Variants in GSG1L observed in about 807,000 individuals in gnomAD.
GSG1L encodes germ cell-specific gene 1-like protein.
Under a neutral mutation model 42.1 loss-of-function variants are expected in GSG1L, and 24 were observed. The observed-to-expected ratio is 0.57, with a 90% CI of 0.41 to 0.80. The LOEUF (loss-of-function observed/expected upper bound fraction) is 0.80, where lower values mean the gene tolerates loss of function less well. GSG1L is among the 30% of genes least tolerant of loss of function. The probability of loss-of-function intolerance (pLI) is 0.00; values close to 1 mark genes in which losing one functional copy is unlikely to be tolerated. For synonymous variants in GSG1L, 215 were observed against 203.5 expected (o/e 1.06, Z -0.48); for missense variants, 445 against 472.2 (o/e 0.94, Z 0.53).
chr16:27,955,813 C>G (rs2084994663), intron 2 of GSG1L, among the ~76,000 whole-genome samples: 1 of 150,192 alleles, frequency 6.7e-6, no homozygotes, highest in African/African-American at 2.5e-5. Context: ...AAAAGGGCTT[C>G]CAGAATAACA....
In GSG1L at chr16:28,031,583, C is replaced by T. The variant is rs115224414; in HGVS notation, c.349+31493G>A. On this transcript the variant is annotated intron_variant, in intron 1 of 6. Transcript: ENST00000447459. ...AAGCAGGGTGTCCAAGAGCTTGAGGCTCCCTGAGGTTATGAATGGATGCAC... is the reference window on the plus strand; with the variant it reads ...AAGCAGGGTGTCCAAGAGCTTGAGGTTCCCTGAGGTTATGAATGGATGCAC... Among the ~76,000 whole-genome samples the T allele has an allele frequency of 5.0e-3, 767 of 152,260 alleles. 2 individuals are homozygous for T. The highest frequency in any genetic ancestry group is 0.017 in the African/African-American group (688 of 41,538).
At chr16:27,945,918 T>C (rs1016418088) in intron 2 of GSG1L, among the ~76,000 whole-genome samples, 2 of 152,222 alleles carry the variant, frequency 1.3e-5, no homozygotes, top group East Asian at 1.9e-4. Flanking sequence ...GGATGCCTGA[T>C]GAGCAGAGGG....
At chr16:27,989,738 T>TAAA (rs57397630) in intron 1 of GSG1L, among the ~76,000 whole-genome samples, 3 of 140,344 alleles carry the variant, frequency 2.1e-5, no homozygotes, top group Middle Eastern at 3.7e-3. Context: ...AGACTCAGTC[T>TAAA]AAAAAAAAAA....
intron 2 of GSG1L, among the ~76,000 whole-genome samples, chr16:27,888,460 CTTTCTCTCTCTCT>C (rs2084064680): frequency 6.3e-5 from 1 of 15,986 alleles, no homozygotes; most frequent in Non-Finnish European, 2.2e-4. Flanking sequence ...TTCTTTCTTT[CTTTCTCTCTCTCT>C]CTCTCTTTCC....
chr16:28,034,100 A>AT (rs1307640486), intron 1 of GSG1L, among the ~76,000 whole-genome samples: 1 of 151,394 alleles, frequency 6.6e-6, no homozygotes, highest in Admixed American at 6.6e-5. Flanking sequence ...AACCCATCCT[A>AT]TCCCAACCCA....
intron 3 of GSG1L, among the ~76,000 whole-genome samples, chr16:27,857,801 C>T (rs911921403): frequency 7.9e-5 from 12 of 151,986 alleles, no homozygotes; most frequent in African/African-American, 2.4e-4. Context: ...CTCTCCAAGA[C>T]GTCCAGTTAA....
At chr16:27,880,060 G>T (rs2083934595) in intron 3 of GSG1L, among the ~76,000 whole-genome samples, 1 of 152,116 alleles carries the variant, frequency 6.6e-6, no homozygotes, top group Non-Finnish European at 1.5e-5. Context: ...AGACCTGGCT[G>T]CTGGCCTCTG....
At chr16:28,016,304 T>C (rs759744553) in intron 1 of GSG1L, among the ~76,000 whole-genome samples, 4 of 152,200 alleles carry the variant, frequency 2.6e-5, no homozygotes, top group Non-Finnish European at 5.9e-5. Flanking sequence ...ATCATAGTTT[T>C]AATGTGGATA....
At chr16:28,033,500 C>G (rs962950440) in intron 1 of GSG1L, among the ~76,000 whole-genome samples, 1 of 145,006 alleles carries the variant, frequency 6.9e-6, no homozygotes, top group Non-Finnish European at 1.5e-5. Context: ...ATAATTAAAT[C>G]AAATAAAAAA....
At chr16:28,002,095 A>G (rs908150167) in intron 1 of GSG1L, among the ~76,000 whole-genome samples, 1 of 152,164 alleles carries the variant, frequency 6.6e-6, no homozygotes, top group Non-Finnish European at 1.5e-5. Context: ...AGCACTGAGG[A>G]TTCAGTGGTG....
chr16:27,865,134 A>C (rs2083698759), intron 3 of GSG1L, among the ~76,000 whole-genome samples: 1 of 151,882 alleles, frequency 6.6e-6, no homozygotes, highest in South Asian at 2.1e-4. Context: ...TCTCACCCCC[A>C]CACTCTGGGC....
At chr16:27,946,229 C>T (rs1212138809) in intron 2 of GSG1L, among the ~76,000 whole-genome samples, 3 of 152,124 alleles carry the variant, frequency 2.0e-5, no homozygotes, top group Non-Finnish European at 4.4e-5. Context: ...GATCACAGTA[C>T]CTAACCCAAA....
At chr16:28,048,736 G>A (rs902398195) in intron 1 of GSG1L, among the ~76,000 whole-genome samples, 3 of 152,164 alleles carry the variant, frequency 2.0e-5, no homozygotes, top group African/African-American at 7.2e-5. Flanking sequence ...CTAAAGTGGT[G>A]CTCAGAGGCA....
At chr16:27,905,319 C>CTTT (rs539377057) in intron 2 of GSG1L, among the ~76,000 whole-genome samples, 6 of 132,592 alleles carry the variant, frequency 4.5e-5, no homozygotes, top group Admixed American at 7.7e-5. Flanking sequence ...ATGCCAGAAT[C>CTTT]TTTTTTTTTT....
intron 2 of GSG1L, among the ~76,000 whole-genome samples, chr16:27,945,019 G>A (rs976557629): frequency 6.7e-6 from 1 of 149,886 alleles, no homozygotes; most frequent in African/African-American, 2.5e-5. Flanking sequence ...GGAGGCTGGA[G>A]TGAGTTATGA....
chr16:27,882,452 C>T (rs865936576), intron 3 of GSG1L, among the ~76,000 whole-genome samples: 6 of 147,168 alleles, frequency 4.1e-5, no homozygotes, highest in South Asian at 2.2e-4. Flanking sequence ...AAAATCCAGA[C>T]TCTATAAAGC....
intron 5 of GSG1L, among the ~76,000 whole-genome samples, chr16:27,809,451 G>A (rs1173675092): frequency 2.0e-5 from 3 of 151,998 alleles, no homozygotes; most frequent in Admixed American, 6.6e-5. Context: ...GGTGATGTGT[G>A]CCTCTGGTCT....
chr16:27,798,315 A>C (rs2082844429), intron 6 of GSG1L, among the ~76,000 whole-genome samples: 1 of 152,178 alleles, frequency 6.6e-6, no homozygotes, highest in African/African-American at 2.4e-5. Context: ...GGCTGGGGGC[A>C]GTTCCCAGAC....
intron 1 of GSG1L, among the ~76,000 whole-genome samples, chr16:28,051,387 C>T (rs542474442): frequency 6.6e-6 from 1 of 152,106 alleles, no homozygotes; most frequent in East Asian, 1.9e-4. Flanking sequence ...CTTGCATTTC[C>T]TTGTTCATAA....
Sources: gnomAD v4.1 joint callset for allele counts (sites outside exome capture counted in the v4.1 genomes callset) on GRCh38, gnomAD v4.1.1 for gene constraint, MANE v1.5 for transcripts, NCBI Gene and HGNC (gene_info 2026-07-23, HGNC 2026-07-21) for gene names.